WWOX: variants seen among roughly 807,000 people sequenced by gnomAD.
WWOX encodes WW domain containing oxidoreductase, also known as WW domain-containing oxidoreductase.
In WWOX, 69 loss-of-function variants were observed where a neutral mutation model predicts 46.2. The ratio of observed to expected loss-of-function variants is 1.49; its 90% CI spans 1.23 to 1.82. The LOEUF (loss-of-function observed/expected upper bound fraction) is 1.82. WWOX is among the 40% of genes most tolerant of loss of function. WWOX has a pLI of 0.00. For synonymous variants in WWOX, 359 were observed against 202.6 expected (o/e 1.77, Z -6.56); for missense variants, 919 against 542.6 (o/e 1.69, Z -6.89).
chr16:78,931,176 A>T lies in WWOX; in HGVS notation c.1057-280432A>T, dbSNP rs897890524. On this transcript the variant is annotated intron_variant, in intron 8 of 8. Transcript: ENST00000566780. ...CTTACGAAAACAGAGCTATACGCAC[A>T]TCCGTAGACAGTTACCACACTCAGG... is the stretch of plus-strand genomic sequence containing the variant. Among the ~76,000 whole-genome samples the T allele has an allele frequency of 7.9e-5, 12 of 152,232 alleles. No homozygotes were observed. The South Asian group carries it at 2.5e-3, about 32-fold the overall frequency.
chr16:78,513,530 C>CTG (rs2085414109), intron 8 of WWOX, among the ~76,000 whole-genome samples: 1 of 152,090 alleles, frequency 6.6e-6, no homozygotes, highest in Non-Finnish European at 1.5e-5. Context: ...TGAATTCCAC[C>CTG]TTGGGTTCAA....
intron 8 of WWOX, among the ~76,000 whole-genome samples, chr16:78,460,610 G>C (rs1330417571): frequency 6.6e-6 from 1 of 152,188 alleles, no homozygotes; most frequent in Non-Finnish European, 1.5e-5. Flanking sequence ...CTCAGACTTG[G>C]AGCTTGAAAG....
At chr16:78,657,763 A>G (rs2047114625) in intron 8 of WWOX, among the ~76,000 whole-genome samples, 1 of 152,174 alleles carries the variant, frequency 6.6e-6, no homozygotes, top group South Asian at 2.1e-4. Flanking sequence ...TCTTGGGCCA[A>G]GCTTGACTCT....
At chr16:78,263,641 G>A (rs12920038) in intron 5 of WWOX, among the ~76,000 whole-genome samples, 2 of 136,368 alleles carry the variant, frequency 1.5e-5, no homozygotes, top group South Asian at 2.5e-4. Flanking sequence ...GAGAGAGAAA[G>A]AAAAGAAAGA....
intron 5 of WWOX, among the ~76,000 whole-genome samples, chr16:78,190,541 C>T (rs180760656): frequency 9.6e-4 from 146 of 152,286 alleles, no homozygotes; most frequent in African/African-American, 3.4e-3. Flanking sequence ...ATGATGGCTA[C>T]AGTGCACATC....
intron 8 of WWOX, among the ~76,000 whole-genome samples, chr16:78,703,801 A>G (rs959055806): frequency 2.7e-4 from 41 of 152,158 alleles, no homozygotes; most frequent in Admixed American, 1.3e-3. Flanking sequence ...TTTGATTTTT[A>G]TGCTCTGAGT....
chr16:78,656,177 TGTGG>T (rs886212514), intron 8 of WWOX, among the ~76,000 whole-genome samples: 14 of 152,274 alleles, frequency 9.2e-5, no homozygotes, highest in African/African-American at 2.9e-4. Flanking sequence ...TTTGTGTGTG[TGTGG>T]GTGGGTGGGT....
chr16:78,481,478 T>C (rs2084484512), intron 8 of WWOX, among the ~76,000 whole-genome samples: 1 of 152,134 alleles, frequency 6.6e-6, no homozygotes, highest in Non-Finnish European at 1.5e-5. Context: ...TGCTGAAGTT[T>C]TGATGGGAAC....
chr16:78,338,560 A>T (rs4243152), intron 5 of WWOX, among the ~76,000 whole-genome samples: 95,918 of 119,378 alleles, frequency 0.8, 44,208 homozygotes, highest in African/African-American at 0.94. Flanking sequence ...GAATTGTTCA[A>T]GGCAGAGAAT....
At chr16:78,353,486 G>T (rs970150315) in intron 5 of WWOX, among the ~76,000 whole-genome samples, 1 of 152,164 alleles carries the variant, frequency 6.6e-6, no homozygotes, top group South Asian at 2.1e-4. Flanking sequence ...TGTTCAATAC[G>T]TAGCACCTTT....
chr16:78,395,210 C>T (rs2082258792), intron 6 of WWOX, among the ~76,000 whole-genome samples: 1 of 152,178 alleles, frequency 6.6e-6, no homozygotes, highest in South Asian at 2.1e-4. Context: ...GTGTGGGTCT[C>T]ATAAGGGCTT....
intron 8 of WWOX, among the ~76,000 whole-genome samples, chr16:79,010,217 C>G (rs1305984319): frequency 6.6e-6 from 1 of 152,140 alleles, no homozygotes. Context: ...AAATGCTTAC[C>G]GAGCATCTGC....
At chr16:79,029,611 A>T (rs2047713919) in intron 8 of WWOX, among the ~76,000 whole-genome samples, 2 of 152,220 alleles carry the variant, frequency 1.3e-5, no homozygotes, top group African/African-American at 4.8e-5. Context: ...AAAGAAAGTT[A>T]GGGTAATATA....
chr16:79,088,045 A>C (rs890901552), intron 8 of WWOX, among the ~76,000 whole-genome samples: 2 of 152,160 alleles, frequency 1.3e-5, no homozygotes, highest in Non-Finnish European at 2.9e-5. Flanking sequence ...AAATTGGTGC[A>C]TCCTGGTCTT....
intron 8 of WWOX, among the ~76,000 whole-genome samples, chr16:78,505,201 C>A (rs1028682575): frequency 6.6e-6 from 1 of 152,132 alleles, no homozygotes; most frequent in East Asian, 1.9e-4. Context: ...GTGGCCCATC[C>A]CAAATGAATT....
intron 8 of WWOX, among the ~76,000 whole-genome samples, chr16:78,675,030 T>C (rs141836828): frequency 6.6e-6 from 1 of 152,212 alleles, no homozygotes; most frequent in South Asian, 2.1e-4. Context: ...ATATTATATA[T>C]GTACATTACA....
At chr16:79,086,178 T>C (rs2048851061) in intron 8 of WWOX, among the ~76,000 whole-genome samples, 1 of 152,226 alleles carries the variant, frequency 6.6e-6, no homozygotes, top group African/African-American at 2.4e-5. Flanking sequence ...TTTTTTCTCT[T>C]TGTAAAAATG....
intron 8 of WWOX, among the ~76,000 whole-genome samples, chr16:79,110,031 C>T (rs1311296555): frequency 6.6e-6 from 1 of 152,194 alleles, no homozygotes; most frequent in South Asian, 2.1e-4. Context: ...CAATTTATTG[C>T]TAGCCTGGTA....
At chr16:79,009,312 T>G (rs1422356423) in intron 8 of WWOX, among the ~76,000 whole-genome samples, 1 of 152,188 alleles carries the variant, frequency 6.6e-6, no homozygotes, top group Admixed American at 6.5e-5. Context: ...TTCTGGAATC[T>G]TTGTGGCTGG....
Sources: allele counts gnomAD v4.1 joint callset (sites outside exome capture counted in the v4.1 genomes callset), GRCh38; gene constraint gnomAD v4.1.1; transcripts MANE v1.5; gene names NCBI Gene and HGNC (gene_info 2026-07-23, HGNC 2026-07-21).